VPS53: variants seen among roughly 807,000 people sequenced by gnomAD.
VPS53 encodes VPS53 subunit of GARP complex.
A neutral mutation model predicts 107.0 loss-of-function variants in VPS53; 70 were observed. The observed-to-expected ratio is 0.65, with a 90% CI of 0.54 to 0.80. The LOEUF (loss-of-function observed/expected upper bound fraction) is 0.80. Ranked by LOEUF, VPS53 falls within the 30% of genes least tolerant of loss-of-function variation. The probability of loss-of-function intolerance (pLI) is 0.00; values close to 1 mark genes in which losing one functional copy is unlikely to be tolerated. For missense variants in VPS53, 917 were observed against 1,049.4 expected, an observed-to-expected ratio of 0.87 and a Z score of 1.74; for synonymous variants, 409 against 393.3, an observed-to-expected ratio of 1.04 and a Z score of -0.47.
chr17:511,342 G>A lies in VPS53; in HGVS notation c.*7786C>T, dbSNP rs1404466207. The A allele has an allele frequency of 1.3e-5, 2 of 152,130 alleles. No homozygotes were observed. Among genetic ancestry groups the A allele is most frequent in the East Asian group, 1.9e-4 (1 of 5,184 alleles). The allele number at this position is 152,130 out of a possible 1,614,324, so 9.4% of individuals were successfully genotyped here. On this transcript the variant is annotated 3_prime_UTR_variant, in exon 22 of 22. Coordinates refer to ENST00000437048, the MANE Select transcript of VPS53 (RefSeq NM_001128159.3). Reference sequence around the variant, plus strand: ...ACTTTTCTTGGCCCTGGAAGTAGAGGGAAGTTTGTTGAGAAGCTGTTCTTA... The same window carrying A: ...ACTTTTCTTGGCCCTGGAAGTAGAGAGAAGTTTGTTGAGAAGCTGTTCTTA...
intron 13 of VPS53, among the ~76,000 whole-genome samples, chr17:565,535 G>C (rs957984792): frequency 6.6e-6 from 1 of 152,094 alleles, no homozygotes; most frequent in African/African-American, 2.4e-5. Flanking sequence ...AGAAAGCAGG[G>C]AAGGATCTCG....
chr17:691,496 G>A (rs1430050959), intron 4 of VPS53, among the ~76,000 whole-genome samples: 2 of 152,338 alleles, frequency 1.3e-5, no homozygotes, highest in East Asian at 1.9e-4. Flanking sequence ...CTTCCAAAGC[G>A]AAGGAGTGAG....
At chr17:572,876 G>A (rs914807693) in intron 13 of VPS53, among the ~76,000 whole-genome samples, 4 of 151,180 alleles carry the variant, frequency 2.6e-5, no homozygotes, top group African/African-American at 9.8e-5. Context: ...CAAGTACCCA[G>A]GGACACAAAC....
chr17:630,322 A>C (rs533535618), intron 8 of VPS53, among the ~76,000 whole-genome samples: 2 of 152,132 alleles, frequency 1.3e-5, no homozygotes, highest in South Asian at 4.2e-4. Context: ...CAAAAAAAAA[A>C]ACCTGAAACG....
chr17:616,228 A>C lies in VPS53; in HGVS notation c.1116+7305T>G, dbSNP rs200336391. The C allele has an allele frequency of 2.0e-5, 3 of 152,346 alleles. No individual in the cohort carries two copies. In the East Asian group the frequency reaches 5.8e-4, roughly 29 times the overall value. 9.4% of individuals were successfully genotyped at this position (152,346 alleles called of 1,614,324 possible). The stretch of plus-strand genomic sequence containing the variant: ...TGCCAGGTCGTGATACCTGGCACAA[A>C]GAATAGGGTAGGAGGACGAAGTTGA... On this transcript the variant is annotated intron_variant, in intron 11 of 21. Transcript: ENST00000437048.
At chr17:632,723 T>C (rs1268737040) in intron 7 of VPS53, 7 of 456,252 alleles carry the variant, frequency 1.5e-5, no homozygotes, top group Admixed American at 1.2e-4. Context: ...TGAGTTTACT[T>C]TGAAAATGTT....
Position 699,331 on chromosome 17 carries a change from C to T in VPS53, c.218G>A (p.Arg73Lys), listed in dbSNP as rs766621231. 60 of 1,574,830 alleles carry T rather than the reference C, an allele frequency of 3.8e-5. No homozygotes were observed. In the East Asian group the frequency reaches 1.4e-3, roughly 37 times the overall value. The change falls in exon 3 of 22, where the codon AGG (arginine) becomes AAG (lysine). Residue 73 changes from arginine to lysine, a missense_variant and splice_region_variant. Transcript: ENST00000437048. ...EVVNKIRLKI[R>K]RLDDNIRTVV... ...TGAACAATCACACAGCTTTACTCAC[C>T]TTATTTTCAGCCTAATTTTGTTCAC... is the stretch of plus-strand genomic sequence containing the variant.
At chr17:657,823 T>C (rs1026156992) in intron 5 of VPS53, among the ~76,000 whole-genome samples, 1 of 149,848 alleles carries the variant, frequency 6.7e-6, no homozygotes, top group Non-Finnish European at 1.5e-5. Flanking sequence ...AACTCGGCCG[T>C]TGAGGTCGTG....
intron 15 of VPS53, among the ~76,000 whole-genome samples, 174 bp downstream of exon 15, chr17:560,252 C>T (rs1264389467): frequency 6.6e-6 from 1 of 152,262 alleles, no homozygotes; most frequent in African/African-American, 2.4e-5. Context: ...TTCTGTAAGA[C>T]AGCTGCCTGG....
intron 4 of VPS53, among the ~76,000 whole-genome samples, chr17:669,589 T>C (rs1971848696): frequency 6.1e-5 from 3 of 49,374 alleles, no homozygotes; most frequent in African/African-American, 1.2e-4. Context: ...ACATACTCTG[T>C]CTTAAAAAAA....
chr17:611,731 T>A (rs938878078), intron 11 of VPS53, among the ~76,000 whole-genome samples: 1 of 151,804 alleles, frequency 6.6e-6, no homozygotes, highest in Non-Finnish European at 1.5e-5. Context: ...AATATTCACA[T>A]AGTGAGTTCA....
chr17:522,115 G>A lies in VPS53; in HGVS notation c.2086-377C>T, dbSNP rs555567692. Among the ~76,000 whole-genome samples, 29 of 152,136 alleles carry A rather than the reference G, an allele frequency of 1.9e-4. No individual in the cohort carries two copies. In the East Asian group the frequency reaches 4.1e-3, roughly 21 times the overall value. On this transcript the variant is annotated intron_variant, in intron 19 of 21. Coordinates refer to ENST00000437048, the MANE Select transcript of VPS53 (RefSeq NM_001128159.3). Reference sequence around the variant, plus strand: ...CAAAAAATGCAAAAATTAGCCAGGCGTGGGGGTGCGCATCTGTGGTCCCAG... The same window carrying A: ...CAAAAAATGCAAAAATTAGCCAGGCATGGGGGTGCGCATCTGTGGTCCCAG...
intron 13 of VPS53, among the ~76,000 whole-genome samples, chr17:564,443 G>A (rs908129319): frequency 5.9e-5 from 9 of 152,050 alleles, no homozygotes; most frequent in Admixed American, 2.6e-4. Context: ...CAGAGGCTGA[G>A]GCAGGAGAAT....
In VPS53 at chr17:601,820, G is replaced by A. The variant is rs1022810767; in HGVS notation, c.1193C>T (p.Ala398Val). 5.0e-6 allele frequency: 8 copies of A among 1,602,826 alleles called. No individual in the cohort carries two copies. The highest frequency in any genetic ancestry group is 6.8e-6 in the Non-Finnish European group (8 of 1,174,318). Reference protein sequence around the residue: ...DEPTPEMEELATEKGDLDQPK... With the variant: ...DEPTPEMEELVTEKGDLDQPK... The stretch of plus-strand genomic sequence containing the variant: ...TTGATCTAAATCTCCTTTCTCCGTT[G>A]CCAGTTCCTCCATCTCTGGTGTTGG... Residue 398 changes from alanine to valine, a missense_variant, in exon 12 of 22, where the codon GCA (alanine) becomes GTA (valine). Coordinates refer to ENST00000437048, the MANE Select transcript of VPS53 (RefSeq NM_001128159.3).
intron 15 of VPS53, among the ~76,000 whole-genome samples, chr17:555,810 C>A (rs1912293151): frequency 6.6e-6 from 1 of 152,216 alleles, no homozygotes. Context: ...CAGGCTTCTA[C>A]ATCTAACTAC....
intron 13 of VPS53, among the ~76,000 whole-genome samples, chr17:568,079 G>A (rs1236569511): frequency 6.6e-6 from 1 of 152,056 alleles, no homozygotes; most frequent in Non-Finnish European, 1.5e-5. Context: ...TCCATGGATG[G>A]CCAAGGCCAT....
chr17:643,287 T>C (rs78405955), intron 7 of VPS53, among the ~76,000 whole-genome samples: 84 of 25,458 alleles, frequency 3.3e-3, no homozygotes, highest in East Asian at 9.8e-3. Context: ...ACTTGGAAAG[T>C]GAGGACAACA....
rs1908510725 is a variant in VPS53 at position 518,944 on chromosome 17, C to CA, written c.*183dup. On this transcript the variant is annotated 3_prime_UTR_variant, in exon 22 of 22. Coordinates refer to ENST00000437048, the MANE Select transcript of VPS53 (RefSeq NM_001128159.3). ...GCCCTCTTAGAGCCCAGCCCTTACT[C>CA]AGCGTCTCCGATTAGGGCAGGAAGT... is the stretch of plus-strand genomic sequence containing the variant. 1.6e-6 allele frequency: 1 copy of CA among 617,440 alleles called. No individual in the cohort carries two copies. Among genetic ancestry groups the CA allele is most frequent in the Non-Finnish European group, 2.6e-6 (1 of 386,150 alleles). The allele number at this position is 617,440 out of a possible 1,614,324, so 38.2% of individuals were successfully genotyped here. A position where few individuals can be genotyped will look rare whatever the true frequency, so the allele number is the denominator to read the frequency against.
At chr17:560,161 T>C (rs1912795877) in intron 15 of VPS53, among the ~76,000 whole-genome samples, 1 of 152,202 alleles carries the variant, frequency 6.6e-6, no homozygotes, top group African/African-American at 2.4e-5. Flanking sequence ...TTTTAACAGG[T>C]CATGCCCTTT....
Sources: allele counts gnomAD v4.1 joint callset (sites outside exome capture counted in the v4.1 genomes callset), GRCh38; gene constraint gnomAD v4.1.1; transcripts MANE v1.5; gene names NCBI Gene and HGNC (gene_info 2026-07-23, HGNC 2026-07-21).